RAP1B: variants seen among roughly 807,000 people sequenced by gnomAD.
RAP1B encodes RAP1B, member of RAS oncogene family.
RAP1B carries 1 observed loss-of-function variant against 27.5 expected under a neutral mutation model. That is an observed-to-expected ratio of 0.04 (90% CI 0.01 to 0.17). The LOEUF (loss-of-function observed/expected upper bound fraction) is 0.17. Among genes scored for constraint, RAP1B ranks in the 10% least tolerant of loss-of-function variants. The pLI is 1.00. For synonymous variants in RAP1B, 75 were observed against 73.1 expected, an observed-to-expected ratio of 1.03 and a Z score of -0.13; for missense variants, 84 against 214.8, an observed-to-expected ratio of 0.39 and a Z score of 3.81.
rs374201537 is a variant in RAP1B at position 68,656,385 on chromosome 12, C to G, written c.404C>G (p.Ala135Gly). Residue 135 changes from alanine (A) to glycine (G), a missense_variant, in exon 6 of 8, where the codon GCA becomes GGA. By Grantham distance (60) the Ala-to-Gly change is moderately conservative (BLOSUM62 0). Transcript: ENST00000250559. ...GGGAAGGAACAAGGTCAAAATCTAG[C>G]AAGACAATGGAACAACTGTGCATTC... ...VVGKEQGQNLARQWNNCAFLE... is the reference protein window; with the variant it reads ...VVGKEQGQNLGRQWNNCAFLE... 1 of 1,609,880 alleles carries G rather than the reference C, an allele frequency of 6.2e-7. No individual in the cohort carries two copies. The highest frequency in any genetic ancestry group is 8.5e-7 in the Non-Finnish European group (1 of 1,176,400).
At position 68,669,365 on chromosome 12, in the gene RAP1B, CTTTG is replaced by C. The variant is rs1408720729; in HGVS notation, c.*10120_*10123del. On this transcript the variant is annotated 3_prime_UTR_variant, in exon 8 of 8. Transcript: ENST00000250559. ...CAATTTAAATTTCAACTGGCTGAGG[CTTTG>C]TTTTTGTTTTTGATTTTTTAATAGA... 2 of 152,060 alleles carry C rather than the reference CTTTG, an allele frequency of 1.3e-5. No individual in the cohort carries two copies. The highest frequency in any genetic ancestry group is 2.4e-5 in the African/African-American group (1 of 41,404). 9.4% of individuals were successfully genotyped at this position (152,060 alleles called of 1,614,324 possible). A position where few individuals can be genotyped will look rare whatever the true frequency, so the allele number is the denominator to read the frequency against.
intron 1 of RAP1B, among the ~76,000 whole-genome samples, chr12:68,617,392 T>G (rs1871102188): frequency 6.6e-6 from 1 of 152,200 alleles, no homozygotes; most frequent in Non-Finnish European, 1.5e-5. Flanking sequence ...CAGGAATTCC[T>G]CTGGAATCTT....
At chr12:68,644,862 A>G (rs1873289693) in intron 1 of RAP1B, among the ~76,000 whole-genome samples, 1 of 151,250 alleles carries the variant, frequency 6.6e-6, no homozygotes, top group East Asian at 2.0e-4. Context: ...CTAATTTTGT[A>G]TTTTTAGTAG....
chr12:68,627,184 A>T, intron 1 of RAP1B: 1 of 1,551,288 alleles, frequency 6.4e-7, no homozygotes, highest in East Asian at 2.2e-5. Context: ...CCTGTTTGGA[A>T]CCTACACTGG....
intron 1 of RAP1B, among the ~76,000 whole-genome samples, chr12:68,630,697 A>G (rs1408468179): frequency 1.3e-5 from 2 of 151,756 alleles, no homozygotes; most frequent in African/African-American, 2.4e-5. Context: ...GTTTTTTTCA[A>G]GGCAGGTTCT....
At chr12:68,630,094 A>T (rs930385906) in intron 1 of RAP1B, among the ~76,000 whole-genome samples, 2 of 152,210 alleles carry the variant, frequency 1.3e-5, no homozygotes, top group Non-Finnish European at 2.9e-5. Context: ...AATCATTCTC[A>T]ACACTGCACT....
At chr12:68,628,555 A>G (rs1871992801) in intron 1 of RAP1B, among the ~76,000 whole-genome samples, 1 of 152,216 alleles carries the variant, frequency 6.6e-6, no homozygotes, top group Admixed American at 6.5e-5. Flanking sequence ...AACTTTTCAA[A>G]GGGATATTTA....
At chr12:68,650,800 G>A (rs950546498) in intron 3 of RAP1B, 4 of 158,566 alleles carry the variant, frequency 2.5e-5, no homozygotes, top group African/African-American at 7.2e-5. Context: ...CCTAGAAATA[G>A]GTGGACACAG....
chr12:68,620,738 A>G (rs1025325122), intron 1 of RAP1B, among the ~76,000 whole-genome samples: 2 of 151,894 alleles, frequency 1.3e-5, no homozygotes, highest in Non-Finnish European at 2.9e-5. Flanking sequence ...CTGGGACTAC[A>G]GGCGCATGCC....
chr12:68,614,404 A>C (rs1262960946), intron 1 of RAP1B, among the ~76,000 whole-genome samples: 1 of 152,194 alleles, frequency 6.6e-6, no homozygotes, highest in Non-Finnish European at 1.5e-5. Flanking sequence ...GTTGCTAAAG[A>C]GGAGGTTGGG....
chr12:68,622,846 G>A (rs1156782813), intron 1 of RAP1B, among the ~76,000 whole-genome samples: 1 of 152,050 alleles, frequency 6.6e-6, no homozygotes, highest in African/African-American at 2.4e-5. Flanking sequence ...CCCATAATAA[G>A]CTACTCCTTA....
rs1199145545 is a variant in RAP1B at position 68,660,054 on chromosome 12, C to T, written c.*805C>T. The T allele has an allele frequency of 7.7e-6, 1 of 129,484 alleles. No individual in the cohort carries two copies. Among genetic ancestry groups the T allele is most frequent in the African/African-American group, 3.1e-5 (1 of 32,670 alleles). The allele number at this position is 129,484 out of a possible 1,614,324, so 8.0% of individuals were successfully genotyped here. On this transcript the variant is annotated 3_prime_UTR_variant, in exon 8 of 8. Coordinates refer to ENST00000250559, the MANE Select transcript of RAP1B (RefSeq NM_001010942.3). ...TAATGATTTAACAATTTTTGTAAAT[C>T]ATTTTCAGGCTTCTGCAGCTGTAGA...
chr12:68,620,670 G>A (rs538496039), intron 1 of RAP1B, among the ~76,000 whole-genome samples: 2 of 149,560 alleles, frequency 1.3e-5, no homozygotes, highest in South Asian at 2.1e-4. Flanking sequence ...TCACAACCAC[G>A]ACTCACTGAA....
At chr12:68,659,240 T>C (rs1874457627) in intron 7 of RAP1B, 40 bp from the exon 8 acceptor site, 1 of 456,192 alleles carries the variant, frequency 2.2e-6, no homozygotes. Context: ...CTTTACTTTT[T>C]CTAGCCCATG....
intron 1 of RAP1B, among the ~76,000 whole-genome samples, chr12:68,626,657 ATTTAT>A (rs982352432): frequency 7.2e-5 from 11 of 152,116 alleles, no homozygotes; most frequent in Non-Finnish European, 1.6e-4. Flanking sequence ...AATTGGGGAA[ATTTAT>A]TTTATAGGCA....
chr12:68,613,408 AG>A (rs1294023372), intron 1 of RAP1B, among the ~76,000 whole-genome samples: 4 of 149,640 alleles, frequency 2.7e-5, no homozygotes, highest in Non-Finnish European at 3.0e-5. Flanking sequence ...AAAAAAAAAA[AG>A]GAGATAAGAA....
intron 4 of RAP1B, among the ~76,000 whole-genome samples, chr12:68,653,027 A>G (rs1198463727): frequency 6.6e-6 from 1 of 152,026 alleles, no homozygotes; most frequent in Non-Finnish European, 1.5e-5. Context: ...CCTGGCTAAC[A>G]TGGTGAAACC....
At position 68,630,962 on chromosome 12, in the gene RAP1B, G is replaced by A. The variant is rs561042408; in HGVS notation, c.-26-17737G>A. On this transcript the variant is annotated intron_variant, in intron 1 of 7. Transcript: ENST00000250559. Reference sequence around the variant, plus strand: ...TTTTTTCATGTACTTTGGCAGATTCGAAGTACTTTTTTGAGGGAAAAATGG... The same window carrying A: ...TTTTTTCATGTACTTTGGCAGATTCAAAGTACTTTTTTGAGGGAAAAATGG... Among the ~76,000 whole-genome samples, 312 of 151,812 alleles carry A rather than the reference G, an allele frequency of 2.1e-3. No homozygotes were observed. In the Middle Eastern group the frequency reaches 0.021, roughly 10 times the overall value.
intron 1 of RAP1B, among the ~76,000 whole-genome samples, chr12:68,623,819 G>A (rs1565658610): frequency 6.6e-6 from 1 of 152,112 alleles, no homozygotes; most frequent in African/African-American, 2.4e-5. Flanking sequence ...TCAGGAGATC[G>A]AGACCATCCT....
Sources: gnomAD v4.1 joint callset for allele counts (sites outside exome capture counted in the v4.1 genomes callset) on GRCh38, gnomAD v4.1.1 for gene constraint, MANE v1.5 for transcripts, NCBI Gene and HGNC (gene_info 2026-07-23, HGNC 2026-07-21) for gene names.